FAM20B: variants seen among roughly 807,000 people sequenced by gnomAD.
The protein encoded by FAM20B is FAM20B glycosaminoglycan xylosylkinase.
FAM20B carries 23 observed loss-of-function variants against 43.8 expected under a neutral mutation model. The ratio of observed to expected loss-of-function variants is 0.53; its 90% confidence interval spans 0.38 to 0.74. The LOEUF (loss-of-function observed/expected upper bound fraction) is 0.74, where lower values mean the gene tolerates loss of function less well. Among genes scored for constraint, FAM20B ranks in the 30% least tolerant of loss-of-function variants. FAM20B has a pLI of 0.00. For synonymous variants in FAM20B, 178 were observed against 192.4 expected, an observed-to-expected ratio of 0.93 and a Z score of 0.62; for missense variants, 440 against 510.5, an observed-to-expected ratio of 0.86 and a Z score of 1.33.
intron 3 of FAM20B, among the ~76,000 whole-genome samples, chr1:179,053,050 A>G (rs375953361): frequency 1.2e-4 from 18 of 152,266 alleles, no homozygotes; most frequent in African/African-American, 4.1e-4. Context: ...ATCTTAGAGT[A>G]TTTGTGTACT....
At chr1:179,059,199 G>A (rs1651354947) in intron 4 of FAM20B, among the ~76,000 whole-genome samples, 1 of 152,122 alleles carries the variant, frequency 6.6e-6, no homozygotes, top group Non-Finnish European at 1.5e-5. Context: ...TTAAAAGTTT[G>A]GCAATCCAGG....
chr1:179,025,679 C>G (rs913200051), upstream of FAM20B: 1 of 152,324 alleles, frequency 6.6e-6, no homozygotes, highest in Non-Finnish European at 1.5e-5. Context: ...GCGGGCAGGG[C>G]GGCGCGGCCG....
intron 7 of FAM20B, among the ~76,000 whole-genome samples, chr1:179,071,519 C>G (rs1008535547): frequency 6.6e-6 from 1 of 152,122 alleles, no homozygotes; most frequent in African/African-American, 2.4e-5. Flanking sequence ...CTCTTCCCCC[C>G]ACCCAGCATC....
At chr1:179,071,345 C>T (rs1651918477) in intron 7 of FAM20B, among the ~76,000 whole-genome samples, 1 of 151,976 alleles carries the variant, frequency 6.6e-6, no homozygotes, top group Non-Finnish European at 1.5e-5. Context: ...TTATTTTAGA[C>T]TTCAGAAACA....
At chr1:179,040,378 C>T (rs1650438704) in intron 1 of FAM20B, among the ~76,000 whole-genome samples, 1 of 151,474 alleles carries the variant, frequency 6.6e-6, no homozygotes, top group Admixed American at 6.6e-5. Flanking sequence ...CCCCCACTTC[C>T]CTCCCGGACT....
chr1:179,028,908 A>C (rs1649898559), intron 1 of FAM20B, among the ~76,000 whole-genome samples: 1 of 152,252 alleles, frequency 6.6e-6, no homozygotes. Flanking sequence ...AAGAAAAAAA[A>C]AGCGTAGAAA....
chr1:179,057,431 C>T (rs1651272186), intron 4 of FAM20B, among the ~76,000 whole-genome samples: 1 of 152,190 alleles, frequency 6.6e-6, no homozygotes, highest in African/African-American at 2.4e-5. Flanking sequence ...AGTAAGTTGG[C>T]CTATAATACA....
intron 1 of FAM20B, among the ~76,000 whole-genome samples, chr1:179,026,324 C>G (rs915090598): frequency 3.3e-5 from 5 of 151,666 alleles, no homozygotes; most frequent in Non-Finnish European, 1.5e-5. Flanking sequence ...CCTGGGAGAC[C>G]CGCTCGGGCC....
chr1:179,068,150 C>T (rs1193433280), intron 7 of FAM20B, among the ~76,000 whole-genome samples: 2 of 152,154 alleles, frequency 1.3e-5, no homozygotes, highest in Non-Finnish European at 2.9e-5. Context: ...TCAAGAGCAC[C>T]ATTTAATACT....
intron 6 of FAM20B, among the ~76,000 whole-genome samples, chr1:179,066,359 A>C (rs1651689448): frequency 6.6e-6 from 1 of 152,108 alleles, no homozygotes; most frequent in African/African-American, 2.4e-5. Flanking sequence ...GGATATTGCT[A>C]ATTTGGGAGT....
chr1:179,018,394 C>T, the FAM20B span, among the ~76,000 whole-genome samples: 2 of 152,152 alleles, frequency 1.3e-5, no homozygotes, highest in African/African-American at 4.8e-5. Context: ...GCAAACTCCA[C>T]CTCCCAGGTT....
chr1:179,052,059 G>A (rs150973828), intron 3 of FAM20B, among the ~76,000 whole-genome samples: 29 of 152,248 alleles, frequency 1.9e-4, no homozygotes, highest in African/African-American at 6.0e-4. Flanking sequence ...AAATTCAATA[G>A]TCTTGACTAA....
the FAM20B span, among the ~76,000 whole-genome samples, chr1:179,020,718 C>T: frequency 5.5e-4 from 83 of 152,274 alleles, no homozygotes; most frequent in South Asian, 1.0e-3. Context: ...GCTAGGACCT[C>T]ACCACAAGAC....
At chr1:179,045,711 C>T (rs1258808213) in intron 2 of FAM20B, among the ~76,000 whole-genome samples, 1 of 151,974 alleles carries the variant, frequency 6.6e-6, no homozygotes, top group Non-Finnish European at 1.5e-5. Flanking sequence ...TGTAGTGAGA[C>T]TCTGTCTCTA....
At position 179,032,313 on chromosome 1, in the gene FAM20B, C is replaced by CTTTTTTTTTTTT; in HGVS notation, c.-134+6230_-134+6241dup. 1.8e-5 allele frequency among the ~76,000 whole-genome samples: 2 copies of CTTTTTTTTTTTT among 111,936 alleles called. 1 individual carries two copies. The highest frequency in any genetic ancestry group is 3.7e-5 in the Non-Finnish European group (2 of 53,348). 73.4% of individuals were successfully genotyped at this position (111,936 alleles called of 152,430 possible). ...GCACAACACATGTAGAGGTCTCATT[C>CTTTTTTTTTTTT]TTTTTTTTTTTTTTTTTTTTTTTTT... is the stretch of plus-strand genomic sequence containing the variant. On this transcript the variant is annotated intron_variant, in intron 1 of 7. Coordinates refer to ENST00000263733, the MANE Select transcript of FAM20B (RefSeq NM_014864.4).
chr1:179,026,628 G>C (rs1199496269), intron 1 of FAM20B, among the ~76,000 whole-genome samples: 1 of 152,234 alleles, frequency 6.6e-6, no homozygotes, highest in Non-Finnish European at 1.5e-5. Context: ...GGAAGGCGGG[G>C]CAACCGTGCC....
At chr1:179,058,409 C>T (rs1230644813) in intron 4 of FAM20B, among the ~76,000 whole-genome samples, 5 of 152,196 alleles carry the variant, frequency 3.3e-5, no homozygotes, top group Admixed American at 6.5e-5. Context: ...TCCCATCCAG[C>T]TTACAGACCC....
At chr1:179,063,052 G>A (rs985692561) in intron 4 of FAM20B, among the ~76,000 whole-genome samples, 2 of 152,148 alleles carry the variant, frequency 1.3e-5, no homozygotes, top group South Asian at 2.1e-4. Context: ...TGAGGTGGGC[G>A]GATCACCTGA....
chr1:179,054,657 A>G lies in FAM20B; in HGVS notation c.574+19A>G. 1 of 1,423,670 alleles carries G rather than the reference A, an allele frequency of 7.0e-7. No individual in the cohort carries two copies. The highest frequency in any genetic ancestry group is 9.9e-7 in the Non-Finnish European group (1 of 1,009,764). The allele number at this position is 1,423,670 out of a possible 1,614,324, so 88.2% of individuals were successfully genotyped here. On this transcript the variant is annotated intron_variant, in intron 4 of 7. Transcript: ENST00000263733. ...ACTGTAGGTAAGAAGATTGTAGAGG[A>G]CATTTATATAGGGGAATGATTAATA...
Sources: allele counts gnomAD v4.1 joint callset (sites outside exome capture counted in the v4.1 genomes callset), GRCh38; gene constraint gnomAD v4.1.1; transcripts MANE v1.5; gene names NCBI Gene and HGNC (gene_info 2026-07-23, HGNC 2026-07-21).